Variants in MYO1E observed in about 807,000 individuals in gnomAD.
MYO1E encodes the protein unconventional myosin-Ie.
A neutral mutation model predicts 151.1 loss-of-function variants in MYO1E; 68 were observed. The observed-to-expected ratio is 0.45, with a 90% confidence interval of 0.37 to 0.55. MYO1E has a LOEUF of 0.55. Ranked by LOEUF, MYO1E falls within the 20% of genes least tolerant of loss-of-function variation. MYO1E has a pLI of 0.00. For synonymous variants in MYO1E, 601 were observed against 501.7 expected (o/e 1.20, Z -2.64); for missense variants, 1,363 against 1,389.3 (o/e 0.98, Z 0.30).
At chr15:59,368,365 CT>C (rs1216112177) in intron 1 of MYO1E, among the ~76,000 whole-genome samples, 2 of 152,130 alleles carry the variant, frequency 1.3e-5, no homozygotes, top group Non-Finnish European at 1.5e-5. Flanking sequence ...CCTGTAATCA[CT>C]TTGGGAGGCC....
At chr15:59,358,508 A>G (rs2080867357) in intron 1 of MYO1E, among the ~76,000 whole-genome samples, 1 of 152,138 alleles carries the variant, frequency 6.6e-6, no homozygotes, top group Admixed American at 6.6e-5. Context: ...GCTAGAAGGA[A>G]AAGGCCATCC....
chr15:59,214,241 A>T lies in MYO1E; in HGVS notation c.1262T>A (p.Leu421Ter). 6.2e-7 allele frequency: 1 copy of T among 1,612,212 alleles called. No homozygotes were observed. Residue 421 changes from leucine (L) to a stop codon, truncating the protein, a stop_gained, in exon 12 of 28, where the codon TTA (leucine) becomes TAA (stop). Transcript: ENST00000288235. LOFTEE classifies it high-confidence loss of function. ...GGGACTGCTTACCTGTTCTGCCTTT[A>T]ATGTCAGTTCAATAAAAATCTGCTG... The part of the protein sequence containing the change: ...KLQQIFIELT[L>*]KAEQEEYVQE...
chr15:59,291,682 T>TA (rs1182076268), intron 1 of MYO1E, among the ~76,000 whole-genome samples: 121 of 7,798 alleles, frequency 0.016, 2 homozygotes, highest in South Asian at 0.041. Flanking sequence ...CTAAAAATAC[T>TA]AAAAAAAAAA....
intron 4 of MYO1E, among the ~76,000 whole-genome samples, chr15:59,253,481 GTTT>G (rs5812967): frequency 7.9e-6 from 1 of 126,908 alleles, no homozygotes. Flanking sequence ...GTCTGATCGA[GTTT>G]TTTTTTTTTT....
chr15:59,265,889 C>A (rs1436964909), intron 2 of MYO1E, among the ~76,000 whole-genome samples: 2 of 151,404 alleles, frequency 1.3e-5, no homozygotes, highest in Admixed American at 1.3e-4. Context: ...ATCACTTAGG[C>A]CTGGGAAGGC....
rs533550039 is a variant in MYO1E, at chr15:59,296,187, T to G, written c.4-23738A>C. On this transcript the variant is annotated intron_variant, in intron 1 of 27. Transcript: ENST00000288235. ...ACATCACGCTGTGGATAAAGGACCC[T>G]GCTCTATGCCAACTTCTAAGTAAGA... Among the ~76,000 whole-genome samples the G allele has an allele frequency of 3.9e-4, 60 of 152,350 alleles. No homozygotes were observed. The South Asian group carries it at 8.1e-3, about 21-fold the overall frequency.
chr15:59,145,943 TCCTCAAGCTGC>T (rs554916977), intron 26 of MYO1E, among the ~76,000 whole-genome samples: 1 of 152,288 alleles, frequency 6.6e-6, no homozygotes, highest in African/African-American at 2.4e-5. Context: ...CATCCTACCA[TCCTCAAGCTGC>T]CCTCACGACA....
At chr15:59,220,997 AAT>A (rs2079951977) in intron 9 of MYO1E, among the ~76,000 whole-genome samples, 1 of 145,800 alleles carries the variant, frequency 6.9e-6, no homozygotes, top group Non-Finnish European at 1.5e-5. Flanking sequence ...TTATATATAT[AAT>A]TATATATATA....
chr15:59,280,715 A>G (rs2080348465), intron 1 of MYO1E, among the ~76,000 whole-genome samples: 1 of 152,160 alleles, frequency 6.6e-6, no homozygotes, highest in Non-Finnish European at 1.5e-5. Context: ...AAATAAAATA[A>G]TGATGCTCCT....
chr15:59,279,500 C>A (rs1447747740), intron 1 of MYO1E, among the ~76,000 whole-genome samples: 2 of 152,086 alleles, frequency 1.3e-5, no homozygotes, highest in African/African-American at 4.8e-5. Flanking sequence ...AAAGACTAGC[C>A]CTCCCAGCCA....
intron 4 of MYO1E, among the ~76,000 whole-genome samples, chr15:59,245,380 A>C (rs1887119223): frequency 1.3e-5 from 2 of 152,216 alleles, no homozygotes; most frequent in African/African-American, 4.8e-5. Context: ...CGGGTCAGAA[A>C]TCTTAGCTCC....
chr15:59,152,032 C>T (rs2079483989), intron 26 of MYO1E, among the ~76,000 whole-genome samples: 1 of 151,572 alleles, frequency 6.6e-6, no homozygotes, highest in African/African-American at 2.4e-5. Flanking sequence ...TGTGGCACTG[C>T]ACTCCAGCCT....
chr15:59,214,788 G>T, intron 10 of MYO1E, 68 bp from the exon 11 acceptor site: 1 of 1,243,092 alleles, frequency 8.0e-7, no homozygotes, highest in Non-Finnish European at 1.2e-6. Context: ...ATGCACTGGG[G>T]AAAGGGAAGC....
chr15:59,301,981 T>C (rs1246545053), intron 1 of MYO1E, among the ~76,000 whole-genome samples: 1 of 151,990 alleles, frequency 6.6e-6, no homozygotes, highest in African/African-American at 2.4e-5. Context: ...TCCCCTGCCC[T>C]CAAACCCATT....
chr15:59,336,364 C>T lies in MYO1E; in HGVS notation c.3+36134G>A, dbSNP rs574276834. Among the ~76,000 whole-genome samples the T allele has an allele frequency of 1.4e-3, 217 of 151,560 alleles. 1 individual carries two copies. Among genetic ancestry groups the T allele is most frequent in the African/African-American group, 5.0e-3 (205 of 41,280 alleles). ...CAGTCTCGGTGATGGGAGTGAAACG[C>T]TGTCTCAAAAAAAAGAAAAGAAAAA... On this transcript the variant is annotated intron_variant, in intron 1 of 27. Coordinates refer to ENST00000288235, the MANE Select transcript of MYO1E (RefSeq NM_004998.4).
At chr15:59,294,258 C>T (rs2080436465) in intron 1 of MYO1E, among the ~76,000 whole-genome samples, 1 of 152,048 alleles carries the variant, frequency 6.6e-6, no homozygotes, top group Non-Finnish European at 1.5e-5. Context: ...ATGATCGTGC[C>T]CCTTAGAGGT....
At chr15:59,203,898 A>G (rs139469782) in intron 15 of MYO1E, among the ~76,000 whole-genome samples, 38 of 152,198 alleles carry the variant, frequency 2.5e-4, no homozygotes, top group African/African-American at 8.9e-4. Context: ...TTCCTCCTCA[A>G]TGACTTTTTG....
At chr15:59,327,070 G>C (rs2080669406) in intron 1 of MYO1E, among the ~76,000 whole-genome samples, 1 of 152,176 alleles carries the variant, frequency 6.6e-6, no homozygotes, top group South Asian at 2.1e-4. Context: ...TCGCAGTAGG[G>C]AAAGAGAACT....
intron 14 of MYO1E, chr15:59,206,821 G>T: frequency 1.0e-6 from 1 of 986,282 alleles, no homozygotes; most frequent in Non-Finnish European, 1.5e-6. Context: ...GGGCCAGGGG[G>T]CGGGGCACGC....
Sources: gnomAD v4.1 joint callset for allele counts (sites outside exome capture counted in the v4.1 genomes callset) on GRCh38, gnomAD v4.1.1 for gene constraint, MANE v1.5 for transcripts, NCBI Gene and HGNC (gene_info 2026-07-23, HGNC 2026-07-21) for gene names.